ANKEF1: variants seen among roughly 807,000 people sequenced by gnomAD.
ANKEF1 encodes the protein ankyrin repeat and EF-hand domain containing 1, also known as ankyrin repeat and EF-hand domain-containing protein 1.
Under a neutral mutation model 65.1 loss-of-function variants are expected in ANKEF1, and 43 were observed. That is an observed-to-expected ratio of 0.66 (90% confidence interval 0.52 to 0.85). The LOEUF (loss-of-function observed/expected upper bound fraction) is 0.85. ANKEF1 is among the 40% of genes least tolerant of loss of function. The pLI, the probability that ANKEF1 is intolerant of heterozygous loss-of-function variation, is 0.00. For missense variants in ANKEF1, 934 were observed against 952.9 expected, an observed-to-expected ratio of 0.98 and a Z score of 0.26; for synonymous variants, 316 against 341.5, an observed-to-expected ratio of 0.93 and a Z score of 0.82.
In ANKEF1 at chr20:10,056,106, C is replaced by G. The variant is rs1985133744; in HGVS notation, c.*446C>G. On this transcript the variant is annotated 3_prime_UTR_variant, in exon 11 of 11. Transcript: ENST00000378392. ...GTGCTGGGATTATAGGCATGAGCTA[C>G]TGTGCCCAGCCTGCTTATTGAAGAT... 1 of 154,664 alleles carries G rather than the reference C, an allele frequency of 6.5e-6. No homozygotes were observed. Among genetic ancestry groups the G allele is most frequent in the Admixed American group, 6.3e-5 (1 of 15,866 alleles). 9.6% of individuals were successfully genotyped at this position (154,664 alleles called of 1,614,324 possible). A position where few individuals can be genotyped will look rare whatever the true frequency, so the allele number is the denominator to read the frequency against.
At chr20:10,051,581 CTA>C in intron 7 of ANKEF1, 80 bp from the exon 8 acceptor site, 1 of 1,081,400 alleles carries the variant, frequency 9.2e-7, no homozygotes, top group Non-Finnish European at 1.4e-6. Context: ...TGATAGAACT[CTA>C]TGAAATCTTA....
At position 10,056,477 on chromosome 20, in the gene ANKEF1, T is replaced by TAGATGATA. The variant is rs1555773740; in HGVS notation, c.*817_*818insAGATGATA. ...GATATATAGATGATAGATAGATAGA[T>TAGATGATA]GATAGATAGATAGATAGATGATAGA... On this transcript the variant is annotated 3_prime_UTR_variant, in exon 11 of 11. Coordinates refer to ENST00000378392, the MANE Select transcript of ANKEF1 (RefSeq NM_022096.6). 14 of 134,662 alleles carry TAGATGATA rather than the reference T, an allele frequency of 1.0e-4. No individual in the cohort carries two copies. Among genetic ancestry groups the TAGATGATA allele is most frequent in the Admixed American group, 2.3e-4 (3 of 13,294 alleles). 8.3% of individuals were successfully genotyped at this position (134,662 alleles called of 1,614,324 possible).
At chr20:10,037,243 C>T (rs1355588567) in intron 2 of ANKEF1, among the ~76,000 whole-genome samples, 1 of 152,112 alleles carries the variant, frequency 6.6e-6, no homozygotes, top group Non-Finnish European at 1.5e-5. Context: ...TGGCTTCTGG[C>T]ACCATGGAAT....
chr20:10,047,589 T>G (rs1484681816), intron 6 of ANKEF1, among the ~76,000 whole-genome samples: 1 of 152,194 alleles, frequency 6.6e-6, no homozygotes, highest in Non-Finnish European at 1.5e-5. Context: ...GTCCCCCTGC[T>G]GGAGCAATTG....
In ANKEF1 at chr20:10,053,192, C is replaced by G; in HGVS notation, c.1951C>G (p.Pro651Ala). ...GATTAAAGAAAAGCTAGATAACTTG[C>G]CGAAACCAGCAGAAAATCAAAAACT... Reference protein sequence around the residue: ...DLIKEKLDNLPKPAENQKLKG... With the variant: ...DLIKEKLDNLAKPAENQKLKG... The change falls in exon 9 of 11, where the codon CCG becomes GCG. Residue 651 changes from proline (P) to alanine (A), a missense_variant. Pro to Ala is a conservative substitution (Grantham distance 27, BLOSUM62 -1). Transcript: ENST00000378392. 1 of 1,613,458 alleles carries G rather than the reference C, an allele frequency of 6.2e-7. No individual in the cohort carries two copies. The highest frequency in any genetic ancestry group is 1.7e-5 in the Admixed American group (1 of 59,936).
chr20:10,038,927 C>T (rs1352372613), intron 3 of ANKEF1, among the ~76,000 whole-genome samples: 4 of 152,180 alleles, frequency 2.6e-5, no homozygotes, highest in African/African-American at 9.7e-5. Context: ...GAACATTATA[C>T]ACACTGATTA....
intron 6 of ANKEF1, among the ~76,000 whole-genome samples, chr20:10,048,219 A>ATGTGTGTG (rs140100391): frequency 6.7e-6 from 1 of 149,880 alleles, no homozygotes; most frequent in African/African-American, 2.5e-5. Flanking sequence ...TAGTATAAAA[A>ATGTGTGTG]TGTGTGTGTG....
intron 6 of ANKEF1, among the ~76,000 whole-genome samples, chr20:10,047,143 C>T (rs899194409): frequency 3.9e-5 from 6 of 152,132 alleles, no homozygotes; most frequent in African/African-American, 7.2e-5. Context: ...ATCACACATA[C>T]GCTATCATTT....
rs756037001 is a variant in ANKEF1 at position 10,053,199 on chromosome 20, C to T, written c.1958C>T (p.Pro653Leu). 13 of 1,613,600 alleles carry T rather than the reference C, an allele frequency of 8.1e-6. No individual in the cohort carries two copies. The highest frequency in any genetic ancestry group is 1.1e-5 in the Non-Finnish European group (13 of 1,179,738). ...GAAAAGCTAGATAACTTGCCGAAAC[C>T]AGCAGAAAATCAAAAACTAAAAGGC... ...IKEKLDNLPK[P>L]AENQKLKGKT... is the part of the protein sequence containing the mutation. Residue 653 changes from proline (P) to leucine (L), a missense_variant, in exon 9 of 11, where the codon CCA becomes CTA. By Grantham distance (98) the Pro-to-Leu change is moderately conservative (BLOSUM62 -3). Coordinates refer to ENST00000378392, the MANE Select transcript of ANKEF1 (RefSeq NM_022096.6).
intron 7 of ANKEF1, 38 bp from the exon 8 acceptor site, chr20:10,051,625 A>C (rs775411609): frequency 1.3e-6 from 2 of 1,507,604 alleles, no homozygotes; most frequent in African/African-American, 2.8e-5. Context: ...TCATTGGAAA[A>C]CCGTATTTTT....
At position 10,056,559 on chromosome 20, in the gene ANKEF1, T is replaced by A. The variant is rs1156709471; in HGVS notation, c.*899T>A. 3.3e-5 allele frequency: 5 copies of A among 150,956 alleles called. No homozygotes were observed. The East Asian group carries it at 9.8e-4, about 30-fold the overall frequency. 9.4% of individuals were successfully genotyped at this position (150,956 alleles called of 1,614,324 possible). On this transcript the variant is annotated 3_prime_UTR_variant, in exon 11 of 11. Coordinates refer to ENST00000378392, the MANE Select transcript of ANKEF1 (RefSeq NM_022096.6). The stretch of plus-strand genomic sequence containing the variant: ...ATAGAGATTTATTGCAAATAATTGG[T>A]TTACATAATTTTGGGCCCCAGATGG...
At chr20:10,043,348 A>G (rs1400834588) in intron 4 of ANKEF1, 27 bp downstream of exon 4, 3 of 1,601,296 alleles carry the variant, frequency 1.9e-6, no homozygotes, top group Non-Finnish European at 2.6e-6. Context: ...GATTACAAAT[A>G]TTTCTTGTTT....
rs1434435219 is a variant in ANKEF1, at chr20:10,056,477, TGATA to T, written c.*833_*836del. On this transcript the variant is annotated 3_prime_UTR_variant, in exon 11 of 11. Coordinates refer to ENST00000378392, the MANE Select transcript of ANKEF1 (RefSeq NM_022096.6). ...GATATATAGATGATAGATAGATAGA[TGATA>T]GATAGATAGATAGATGATAGATAGA... is the stretch of plus-strand genomic sequence containing the variant. The T allele has an allele frequency of 3.7e-5, 5 of 134,550 alleles. No individual in the cohort carries two copies. Among genetic ancestry groups the T allele is most frequent in the Admixed American group, 1.5e-4 (2 of 13,272 alleles). The allele number at this position is 134,550 out of a possible 1,614,324, so 8.3% of individuals were successfully genotyped here.
In ANKEF1 at chr20:10,050,152, C is replaced by A. The variant is rs145395317; in HGVS notation, c.1583C>A (p.Pro528Gln). 1.2e-4 allele frequency: 190 copies of A among 1,613,966 alleles called. No individual in the cohort carries two copies. The highest frequency in any genetic ancestry group is 1.6e-4 in the Non-Finnish European group (183 of 1,179,984). Residue 528 changes from proline to glutamine, a missense_variant, in exon 7 of 11, where the codon CCG becomes CAG. Physicochemically the swap from Pro to Gln is moderately conservative, Grantham distance 76. Transcript: ENST00000378392. ...VDMKDNYYKT[P>Q]LMTACASGNI... ...ATGAAGGATAATTATTACAAAACTC[C>A]GCTAATGACGGCGTGTGCAAGTGGA...
Position 10,055,802 on chromosome 20 carries a change from A to T in ANKEF1, c.*142A>T. 1 of 741,840 alleles carries T rather than the reference A, an allele frequency of 1.3e-6. No homozygotes were observed. The highest frequency in any genetic ancestry group is 1.9e-5 in the South Asian group (1 of 53,344). The allele number at this position is 741,840 out of a possible 1,614,324, so 46.0% of individuals were successfully genotyped here. ...AATTTCTTTTTGCTTTAACAACTAT[A>T]AATATTCTTAGCTGTCTAGAGAAAA... On this transcript the variant is annotated 3_prime_UTR_variant, in exon 11 of 11. Coordinates refer to ENST00000378392, the MANE Select transcript of ANKEF1 (RefSeq NM_022096.6).
intron 8 of ANKEF1, 108 bp from the exon 9 acceptor site, chr20:10,053,004 T>C: frequency 1.8e-6 from 2 of 1,120,966 alleles, no homozygotes; most frequent in Non-Finnish European, 2.5e-6. Flanking sequence ...GCTTTAGGAA[T>C]CACCCTTATT....
rs1300054464 is a variant in ANKEF1, at chr20:10,055,652, A to C, written c.2323A>C (p.Lys775Gln). The change falls in exon 11 of 11, where the codon AAG becomes CAG. Residue 775 changes from lysine to glutamine, a missense_variant. By Grantham distance (53) the Lys-to-Gln change is moderately conservative. Coordinates refer to ENST00000378392, the MANE Select transcript of ANKEF1 (RefSeq NM_022096.6). Reference sequence around the variant, plus strand: ...AGCTCGAGCACTGGAAGCTGCCTTGAAGACCTAAGTCATAGCAGTTATTTC... The same window carrying C: ...AGCTCGAGCACTGGAAGCTGCCTTGCAGACCTAAGTCATAGCAGTTATTTC... ...EKARALEAAL[K>Q]T 1 of 1,613,672 alleles carries C rather than the reference A, an allele frequency of 6.2e-7. No individual in the cohort carries two copies. The highest frequency in any genetic ancestry group is 8.5e-7 in the Non-Finnish European group (1 of 1,179,772).
intron 8 of ANKEF1, 36 bp downstream of exon 8, chr20:10,051,925 A>G: frequency 2.0e-6 from 3 of 1,483,394 alleles, no homozygotes; most frequent in Non-Finnish European, 2.8e-6. Flanking sequence ...AGGGTTAGAA[A>G]AGGAGAACTT....
chr20:10,057,115 A>C lies in ANKEF1; in HGVS notation c.*1455A>C, dbSNP rs1336852269. 2.0e-5 allele frequency: 3 copies of C among 152,228 alleles called. No individual in the cohort carries two copies. Among genetic ancestry groups the C allele is most frequent in the Admixed American group, 6.5e-5 (1 of 15,276 alleles). 9.4% of individuals were successfully genotyped at this position (152,228 alleles called of 1,614,324 possible). A position where few individuals can be genotyped will look rare whatever the true frequency, so the allele number is the denominator to read the frequency against. On this transcript the variant is annotated 3_prime_UTR_variant, in exon 11 of 11. Coordinates refer to ENST00000378392, the MANE Select transcript of ANKEF1 (RefSeq NM_022096.6). ...GCCACTTTAGAATCTGCCTTACCAG[A>C]AGGCACCAATTGCAGATTACAGCTC...
Sources: allele counts gnomAD v4.1 joint callset (sites outside exome capture counted in the v4.1 genomes callset), GRCh38; gene constraint gnomAD v4.1.1; transcripts MANE v1.5; gene names NCBI Gene and HGNC (gene_info 2026-07-23, HGNC 2026-07-21).